The following SRFBP1 variants were observed in gnomAD, a reference collection of about 807,000 sequenced individuals.
SRFBP1 encodes the protein serum response factor-binding protein 1.
Under a neutral mutation model 45.5 loss-of-function variants are expected in SRFBP1, and 47 were observed. That is an observed-to-expected ratio of 1.03 (90% confidence interval 0.82 to 1.32). The LOEUF (loss-of-function observed/expected upper bound fraction) is 1.32. Among genes scored for constraint, SRFBP1 ranks in the 40% most tolerant of loss-of-function variants. The pLI is 0.00. For missense variants in SRFBP1, 621 were observed against 484.6 expected (o/e 1.28, Z -2.64); for synonymous variants, 203 against 166.3 (o/e 1.22, Z -1.70).
At position 122,049,300 on chromosome 5, in the gene SRFBP1, G is replaced by A. The variant is rs1330064155; in HGVS notation, n.312-26015G>A. 3.3e-5 allele frequency among the ~76,000 whole-genome samples: 5 copies of A among 152,112 alleles called. 1 individual carries two copies. Among genetic ancestry groups the A allele is most frequent in the Admixed American group, 3.3e-4 (5 of 15,258 alleles). On this transcript the variant is annotated intron_variant and non_coding_transcript_variant, in intron 2 of 2. Transcript: ENST00000504881. ...AAGAAGGCCATTACATAATGGTAAAGGGATCAATTCAACAAGAAGAGCTAA... is the reference window on the plus strand; with the variant it reads ...AAGAAGGCCATTACATAATGGTAAAAGGATCAATTCAACAAGAAGAGCTAA...
chr5:122,073,954 GGT>G (rs1754533234), intron 2 of SRFBP1: 6 of 1,493,646 alleles, frequency 4.0e-6, no homozygotes, highest in African/African-American at 1.4e-5. Flanking sequence ...GCTAACTAAC[GGT>G]AGATGACCCG....
chr5:121,998,062 G>C (rs1213608416), intron 4 of SRFBP1, among the ~76,000 whole-genome samples: 2 of 152,184 alleles, frequency 1.3e-5, no homozygotes, highest in African/African-American at 4.8e-5. Flanking sequence ...TTACACTGTT[G>C]GTGGGACTGT....
At chr5:122,003,901 G>C (rs1444469918) in intron 4 of SRFBP1, among the ~76,000 whole-genome samples, 1 of 152,038 alleles carries the variant, frequency 6.6e-6, no homozygotes, top group African/African-American at 2.4e-5. Context: ...ATTTTTAATT[G>C]GGTTGTTTAC....
chr5:122,002,388 TC>T (rs1752888786), intron 4 of SRFBP1, among the ~76,000 whole-genome samples: 1 of 152,266 alleles, frequency 6.6e-6, no homozygotes, highest in Non-Finnish European at 1.5e-5. Flanking sequence ...TGTTTACTTT[TC>T]TTCAGGATTG....
chr5:122,059,058 G>T (rs1024820571), intron 2 of SRFBP1, among the ~76,000 whole-genome samples: 2 of 152,080 alleles, frequency 1.3e-5, no homozygotes, highest in African/African-American at 4.8e-5. Flanking sequence ...ATCCCCTGTA[G>T]TTAAATTGTG....
At chr5:121,981,018 G>A (rs1367911065) in intron 3 of SRFBP1, among the ~76,000 whole-genome samples, 2 of 152,080 alleles carry the variant, frequency 1.3e-5, no homozygotes, top group Non-Finnish European at 2.9e-5. Context: ...GTGCTGTATA[G>A]CTTTCCATCT....
chr5:122,049,122 C>G (rs1753921838), intron 2 of SRFBP1, among the ~76,000 whole-genome samples: 1 of 151,894 alleles, frequency 6.6e-6, no homozygotes. Flanking sequence ...TTCTCTAGTT[C>G]TTTTAATTGT....
At chr5:121,981,978 A>C (rs1175498978) in intron 3 of SRFBP1, among the ~76,000 whole-genome samples, 1 of 150,458 alleles carries the variant, frequency 6.6e-6, no homozygotes, top group African/African-American at 2.4e-5. Flanking sequence ...TTTTTTTTTT[A>C]CATGTTGGCA....
chr5:122,042,452 T>C (rs1239162988), intron 2 of SRFBP1, among the ~76,000 whole-genome samples: 13 of 152,048 alleles, frequency 8.5e-5, no homozygotes, highest in Admixed American at 8.5e-4. Flanking sequence ...AACATCTTGC[T>C]ATGTTGCCCA....
At chr5:122,077,751 C>T (rs752839330), downstream of SRFBP1, 664 of 1,562,440 alleles carry the variant, frequency 4.2e-4, no homozygotes, top group Non-Finnish European at 5.6e-4. The surrounding 1 kb of genome is among the most constrained non-coding windows in gnomAD (Gnocchi z 4.9). Context: ...GCGTTGGCTG[C>T]ACCAGGGACG....
intron 2 of SRFBP1, chr5:122,070,515 T>C (rs769717933): frequency 6.2e-7 from 1 of 1,604,562 alleles, no homozygotes; most frequent in Non-Finnish European, 8.5e-7. Flanking sequence ...AGTTTCCAGG[T>C]TTTACATCTG....
intron 4 of SRFBP1, among the ~76,000 whole-genome samples, chr5:122,014,969 T>G (rs1447354305): frequency 3.9e-5 from 6 of 152,228 alleles, no homozygotes; most frequent in Admixed American, 2.0e-4. Flanking sequence ...CAAAATCTGG[T>G]TAGGATTCCC....
At chr5:122,025,919 GTC>G (rs1016341086) in intron 7 of SRFBP1, among the ~76,000 whole-genome samples, 2 of 152,062 alleles carry the variant, frequency 1.3e-5, no homozygotes, top group African/African-American at 4.8e-5. Context: ...TGACCAATAT[GTC>G]TCTACTAAAA....
intron 3 of SRFBP1, among the ~76,000 whole-genome samples, chr5:121,984,020 TA>T (rs1224176929): frequency 6.6e-6 from 1 of 151,756 alleles, no homozygotes; most frequent in Non-Finnish European, 1.5e-5. Flanking sequence ...CAGTCAACAT[TA>T]TATTCCCTAT....
chr5:122,076,710 A>G (rs1307660696), downstream of SRFBP1, among the ~76,000 whole-genome samples: 1 of 128,278 alleles, frequency 7.8e-6, no homozygotes, highest in African/African-American at 2.6e-5. Flanking sequence ...GAACCCACAG[A>G]AATCTTCAAA....
chr5:121,987,920 G>A (rs1488976244), intron 3 of SRFBP1, among the ~76,000 whole-genome samples: 4 of 152,078 alleles, frequency 2.6e-5, no homozygotes, highest in Admixed American at 2.0e-4. Flanking sequence ...ATACACTTAC[G>A]AGTCACTATA....
chr5:122,024,149 C>G (rs1753419888), intron 7 of SRFBP1, among the ~76,000 whole-genome samples: 2 of 152,204 alleles, frequency 1.3e-5, no homozygotes, highest in Admixed American at 1.3e-4. Context: ...AGTGCATTGT[C>G]AAGGACAGCC....
downstream of SRFBP1, chr5:122,077,149 C>T: frequency 6.8e-7 from 1 of 1,468,740 alleles, no homozygotes; most frequent in Non-Finnish European, 9.0e-7. The surrounding 1 kb of genome is among the most constrained non-coding windows in gnomAD (Gnocchi z 4.9). Context: ...CTGGGGACGC[C>T]CGGGACTGCA....
At chr5:122,024,898 C>T (rs1463103519) in intron 7 of SRFBP1, among the ~76,000 whole-genome samples, 1 of 152,072 alleles carries the variant, frequency 6.6e-6, no homozygotes, top group African/African-American at 2.4e-5. Context: ...TTTAGAAATA[C>T]TACCTTATTC....
Sources: allele counts gnomAD v4.1 joint callset (sites outside exome capture counted in the v4.1 genomes callset), GRCh38; gene constraint gnomAD v4.1.1; non-coding constraint Gnocchi (gnomAD v3.1); transcripts MANE v1.5; gene names NCBI Gene and HGNC (gene_info 2026-07-23, HGNC 2026-07-21).